ELAVL3: variants seen among roughly 807,000 people sequenced by gnomAD.
ELAVL3 encodes ELAV-like protein 3.
A neutral mutation model predicts 34.2 loss-of-function variants in ELAVL3; 8 were observed. The observed-to-expected ratio is 0.23, with a 90% confidence interval of 0.14 to 0.42. The LOEUF is 0.42. ELAVL3 is among the 10% of genes least tolerant of loss of function. ELAVL3 has a pLI of 1.00. For missense variants in ELAVL3, 273 were observed against 518.8 expected, an observed-to-expected ratio of 0.53 and a Z score of 4.60; for synonymous variants, 209 against 222.1, an observed-to-expected ratio of 0.94 and a Z score of 0.53.
chr19:11,467,868 C>T (rs575738955), intron 1 of ELAVL3, among the ~76,000 whole-genome samples: 22 of 152,268 alleles, frequency 1.4e-4, no homozygotes, highest in Non-Finnish European at 2.8e-4. Flanking sequence ...AGTCTGACTG[C>T]ATCCTCGACC....
chr19:11,457,090 T>C lies in ELAVL3; in HGVS notation c.752+20A>G, dbSNP rs933389382. 1.7e-6 allele frequency: 2 copies of C among 1,192,134 alleles called. No homozygotes were observed. The highest frequency in any genetic ancestry group is 3.8e-5 in the African/African-American group (2 of 52,212). 73.8% of individuals were successfully genotyped at this position (1,192,134 alleles called of 1,614,324 possible). On this transcript the variant is annotated intron_variant, in intron 6 of 6. Coordinates refer to ENST00000359227, the MANE Select transcript of ELAVL3 (RefSeq NM_001420.4). The stretch of plus-strand genomic sequence containing the variant: ...CATGGATGGTGAGGGGTGGGGACAG[T>C]GGGGCGGGGTCACTGTTACCTCTTG...
At chr19:11,457,793 C>T (rs978546865) in intron 5 of ELAVL3, among the ~76,000 whole-genome samples, 10 of 152,216 alleles carry the variant, frequency 6.6e-5, no homozygotes, top group African/African-American at 1.2e-4. Flanking sequence ...GCTACAGCCA[C>T]GTGCCCAAAA....
At chr19:11,457,969 G>A (rs962324840) in intron 5 of ELAVL3, 92 bp downstream of exon 5, 23 of 1,381,728 alleles carry the variant, frequency 1.7e-5, no homozygotes, top group South Asian at 1.2e-4. Flanking sequence ...GCACCCTCCC[G>A]GCATCCCTCC....
Position 11,458,201 on chromosome 19 carries a change from C to A in ELAVL3, c.573G>T (p.Pro191=), listed in dbSNP as rs369340807. 1 of 1,614,130 alleles carries A rather than the reference C, an allele frequency of 6.2e-7. No homozygotes were observed. Residue 191 remains proline, a synonymous_variant, in exon 5 of 7, where the codon CCG becomes CCT. Transcript: ENST00000359227. The surrounding 1 kb of genome is among the most constrained non-coding windows in gnomAD (Gnocchi z 7.3). ...EAIKGLNGQK[P]LGAAEPITVK... ...CTGTGATGGGCTCAGCTGCGCCCAG[C>A]GGCTTCTGCCCATTCAGTCCTTTGA...
At chr19:11,462,899 T>C (rs1385594810) in intron 3 of ELAVL3, among the ~76,000 whole-genome samples, 3 of 150,642 alleles carry the variant, frequency 2.0e-5, no homozygotes, top group Non-Finnish European at 3.0e-5. Context: ...GAGGCAGAGG[T>C]TGCAGTGAGC....
intron 3 of ELAVL3, among the ~76,000 whole-genome samples, chr19:11,462,482 C>CA (rs1970908320): frequency 6.9e-6 from 1 of 144,896 alleles, no homozygotes; most frequent in South Asian, 2.2e-4. Context: ...ACTAAAAATG[C>CA]AAAAATTAGC....
In ELAVL3 at chr19:11,480,500, C is replaced by T; in HGVS notation, c.9+100G>A. The T allele has an allele frequency of 1.9e-6, 2 of 1,061,402 alleles. No individual in the cohort carries two copies. The highest frequency in any genetic ancestry group is 1.3e-6 in the Non-Finnish European group (1 of 774,916). 65.7% of individuals were successfully genotyped at this position (1,061,402 alleles called of 1,614,324 possible). A position where few individuals can be genotyped will look rare whatever the true frequency, so the allele number is the denominator to read the frequency against. On this transcript the variant is annotated intron_variant, in intron 1 of 6. Coordinates refer to ENST00000359227, the MANE Select transcript of ELAVL3 (RefSeq NM_001420.4). This position sits in a 1 kb window ranked among gnomAD's most constrained non-coding sequence, Gnocchi z 6.8. ...CCCCCCCAACCCGGGCCTAGCTAGG[C>T]CTGGTCCTACCCCCCCCGCCGCACC...
At chr19:11,461,327 T>C (rs1970879293) in intron 3 of ELAVL3, among the ~76,000 whole-genome samples, 1 of 152,182 alleles carries the variant, frequency 6.6e-6, no homozygotes, top group African/African-American at 2.4e-5. Context: ...TTTATCAATG[T>C]CCTGGAAGCA....
rs1970647804 is a variant in ELAVL3, at chr19:11,451,817, G to T, written c.*2709C>A. 1 of 151,522 alleles carries T rather than the reference G, an allele frequency of 6.6e-6. No homozygotes were observed. The highest frequency in any genetic ancestry group is 6.6e-5 in the Admixed American group (1 of 15,262). 9.4% of individuals were successfully genotyped at this position (151,522 alleles called of 1,614,324 possible). On this transcript the variant is annotated 3_prime_UTR_variant, in exon 7 of 7. Coordinates refer to ENST00000359227, the MANE Select transcript of ELAVL3 (RefSeq NM_001420.4). Reference sequence around the variant, plus strand: ...AGGCCTCGGTGGGGGGGGGGTGTGTGGGGAGGTGCCCCCTCTCTGGAGCCT... The same window carrying T: ...AGGCCTCGGTGGGGGGGGGGTGTGTTGGGAGGTGCCCCCTCTCTGGAGCCT...
At chr19:11,465,274 C>CACAT (rs1229028858) in intron 3 of ELAVL3, among the ~76,000 whole-genome samples, 2 of 110,638 alleles carry the variant, frequency 1.8e-5, no homozygotes, top group African/African-American at 1.1e-4. Flanking sequence ...ATACACCACA[C>CACAT]ACATACACAC....
chr19:11,476,697 G>A lies in ELAVL3; in HGVS notation c.9+3903C>T, dbSNP rs181778671. Reference sequence around the variant, plus strand: ...GAGGATCACCTGAGGTCAGGAGTTCGAGACCAGCCTGGCCAACACAGCGAA... The same window carrying A: ...GAGGATCACCTGAGGTCAGGAGTTCAAGACCAGCCTGGCCAACACAGCGAA... On this transcript the variant is annotated intron_variant, in intron 1 of 6. Coordinates refer to ENST00000359227, the MANE Select transcript of ELAVL3 (RefSeq NM_001420.4). 2.9e-3 allele frequency among the ~76,000 whole-genome samples: 444 copies of A among 152,208 alleles called. 3 individuals are homozygous for A. Among genetic ancestry groups the A allele is most frequent in the African/African-American group, 1.0e-2 (414 of 41,526 alleles).
chr19:11,455,534 G>C (rs1473409186), intron 6 of ELAVL3, among the ~76,000 whole-genome samples: 1 of 151,888 alleles, frequency 6.6e-6, no homozygotes, highest in South Asian at 2.1e-4. Flanking sequence ...TGATCCGCCC[G>C]CTTCGACCTC....
chr19:11,470,512 CA>C lies in ELAVL3; in HGVS notation c.10-3686del, dbSNP rs56714750. Reference sequence around the variant, plus strand: ...GAAACCCCGTTTGCTACTAGAAATACAAAAAAAAAAAAAAATTAGCCGGGCG... The same window carrying C: ...GAAACCCCGTTTGCTACTAGAAATACAAAAAAAAAAAAAATTAGCCGGGCG... On this transcript the variant is annotated intron_variant, in intron 1 of 6. Transcript: ENST00000359227. Among the ~76,000 whole-genome samples the C allele has an allele frequency of 4.4e-3, 543 of 124,590 alleles. 1 individual carries two copies. Among genetic ancestry groups the C allele is most frequent in the Middle Eastern group, 0.015 (3 of 194 alleles). The allele number at this position is 124,590 out of a possible 152,430, so 81.7% of individuals were successfully genotyped here. A position where few individuals can be genotyped will look rare whatever the true frequency, so the allele number is the denominator to read the frequency against.
chr19:11,462,742 T>C (rs1568381145), intron 3 of ELAVL3, among the ~76,000 whole-genome samples: 1 of 151,706 alleles, frequency 6.6e-6, no homozygotes, highest in Non-Finnish European at 1.5e-5. Flanking sequence ...GTGGATGATC[T>C]GAGGTTGGGA....
At chr19:11,467,444 C>G (rs1027504922) in intron 1 of ELAVL3, among the ~76,000 whole-genome samples, 1 of 151,414 alleles carries the variant, frequency 6.6e-6, no homozygotes, top group Non-Finnish European at 1.5e-5. Flanking sequence ...AAAATAAATG[C>G]TTTCGCTCTC....
In ELAVL3 at chr19:11,480,277, T is replaced by G; in HGVS notation, c.9+323A>C. The G allele has an allele frequency of 3.2e-6, 1 of 316,642 alleles. No homozygotes were observed. The highest frequency in any genetic ancestry group is 5.8e-6 in the Non-Finnish European group (1 of 173,012). The allele number at this position is 316,642 out of a possible 1,614,324, so 19.6% of individuals were successfully genotyped here. The stretch of plus-strand genomic sequence containing the variant: ...GCGGCCTGCGGGGTCTGGGCCTGGA[T>G]GGAGGAAGCATCCTTAGCCGCCGCG... On this transcript the variant is annotated intron_variant, in intron 1 of 6. Coordinates refer to ENST00000359227, the MANE Select transcript of ELAVL3 (RefSeq NM_001420.4). The surrounding 1 kb of genome is among the most constrained non-coding windows in gnomAD (Gnocchi z 6.8).
intron 3 of ELAVL3, among the ~76,000 whole-genome samples, chr19:11,465,349 T>C (rs1267155918): frequency 8.2e-6 from 1 of 121,244 alleles, no homozygotes; most frequent in Non-Finnish European, 1.7e-5. Context: ...CACACATGCG[T>C]ACACACACAC....
chr19:11,474,753 G>A (rs1390759928), intron 1 of ELAVL3, among the ~76,000 whole-genome samples: 1 of 152,192 alleles, frequency 6.6e-6, no homozygotes, highest in Admixed American at 6.5e-5. Flanking sequence ...CTGGACTCAA[G>A]CAATCCTCTC....
Position 11,454,859 on chromosome 19 carries a change from G to C in ELAVL3, c.771C>G (p.Ala257=). 6.2e-7 allele frequency: 1 copy of C among 1,600,516 alleles called. No individual in the cohort carries two copies. Among genetic ancestry groups the C allele is most frequent in the Non-Finnish European group, 8.5e-7 (1 of 1,177,082 alleles). Residue 257 remains alanine (A), a synonymous_variant, in exon 7 of 7, where the codon GCC becomes GCG. Transcript: ENST00000359227. This position sits in a 1 kb window ranked among gnomAD's most constrained non-coding sequence, Gnocchi z 9.2. ...YGVKSPLSLI[A]RFSPIAIDGM... is the part of the protein sequence containing the mutation. Reference sequence around the variant, plus strand: ...CATCGATGGCGATCGGCGAGAACCTGGCGATGAGCGACAGGGGACTACTTT... The same window carrying C: ...CATCGATGGCGATCGGCGAGAACCTCGCGATGAGCGACAGGGGACTACTTT...
Sources: gnomAD v4.1 joint callset for allele counts (sites outside exome capture counted in the v4.1 genomes callset) on GRCh38, gnomAD v4.1.1 for gene constraint, Gnocchi (gnomAD v3.1) non-coding constraint, MANE v1.5 for transcripts, NCBI Gene and HGNC (gene_info 2026-07-23, HGNC 2026-07-21) for gene names.